Variants in AGBL1 observed in about 807,000 individuals in gnomAD.
AGBL1 encodes the protein AGBL carboxypeptidase 1.
AGBL1 carries 130 observed loss-of-function variants against 118.9 expected under a neutral mutation model. That is an observed-to-expected ratio of 1.09 (90% CI 0.95 to 1.26). The LOEUF (loss-of-function observed/expected upper bound fraction) is 1.26, where lower values mean the gene tolerates loss of function less well. Ranked by LOEUF, AGBL1 falls within the 50% of genes most tolerant of loss-of-function variation. AGBL1 has a pLI of 0.00. For synonymous variants in AGBL1, 555 were observed against 478.9 expected (o/e 1.16, Z -2.08); for missense variants, 1,584 against 1,298.1 (o/e 1.22, Z -3.38).
At chr15:86,622,459 A>C (rs1361788153) in intron 21 of AGBL1, among the ~76,000 whole-genome samples, 1 of 152,234 alleles carries the variant, frequency 6.6e-6, no homozygotes, top group Non-Finnish European at 1.5e-5. Context: ...GTGACCAGTC[A>C]TCATGGAAAG....
intron 23 of AGBL1, among the ~76,000 whole-genome samples, chr15:86,957,054 A>G (rs1202102519): frequency 6.6e-6 from 1 of 152,156 alleles, no homozygotes; most frequent in Non-Finnish European, 1.5e-5. Flanking sequence ...GAGGTGTTAT[A>G]CATGGTCTGA....
At chr15:86,234,769 G>T (rs2078512463) in intron 6 of AGBL1, among the ~76,000 whole-genome samples, 1 of 152,156 alleles carries the variant, frequency 6.6e-6, no homozygotes, top group Non-Finnish European at 1.5e-5. Context: ...ATGTTTAAAA[G>T]AGTGGGAGTA....
chr15:86,292,673 TG>T (rs776222876), intron 16 of AGBL1, among the ~76,000 whole-genome samples: 47 of 152,108 alleles, frequency 3.1e-4, no homozygotes, highest in Non-Finnish European at 5.3e-4. Context: ...TATTTTAATG[TG>T]GGGGCATTGA....
intron 16 of AGBL1, among the ~76,000 whole-genome samples, chr15:86,281,243 G>A (rs1008675270): frequency 6.6e-6 from 1 of 152,106 alleles, no homozygotes; most frequent in Non-Finnish European, 1.5e-5. Context: ...AATTAGCCAG[G>A]CCTGGTGGCA....
downstream of AGBL1, among the ~76,000 whole-genome samples, chr15:87,030,189 T>A (rs2081770554): frequency 6.6e-6 from 1 of 151,960 alleles, no homozygotes; most frequent in Non-Finnish European, 1.5e-5. Flanking sequence ...TGTACACCCA[T>A]GACATTTTAG....
chr15:86,458,799 C>A (rs1216458807), intron 18 of AGBL1, among the ~76,000 whole-genome samples: 1 of 152,116 alleles, frequency 6.6e-6, no homozygotes. Flanking sequence ...GGGTTTATTG[C>A]AAGGCTATCC....
chr15:86,735,820 G>A (rs1014652481), intron 22 of AGBL1, among the ~76,000 whole-genome samples: 3 of 152,152 alleles, frequency 2.0e-5, no homozygotes, highest in Non-Finnish European at 2.9e-5. Flanking sequence ...CTGGCATGTA[G>A]CAAGCGCTCT....
intron 22 of AGBL1, among the ~76,000 whole-genome samples, chr15:86,839,532 C>G (rs1196309239): frequency 6.6e-6 from 1 of 152,150 alleles, no homozygotes; most frequent in Non-Finnish European, 1.5e-5. Flanking sequence ...AGCTTTCGCA[C>G]TACTGATATT....
chr15:86,506,658 A>G (rs1193463204), intron 18 of AGBL1, among the ~76,000 whole-genome samples: 3 of 152,092 alleles, frequency 2.0e-5, no homozygotes, highest in African/African-American at 7.2e-5. Flanking sequence ...AGAGCCCAGT[A>G]AAATGTAAAT....
chr15:87,014,389 G>A (rs1277639210), intron 24 of AGBL1, among the ~76,000 whole-genome samples: 1 of 152,192 alleles, frequency 6.6e-6, no homozygotes, highest in African/African-American at 2.4e-5. Flanking sequence ...AAGGGCAGAG[G>A]ACTTTATCTG....
chr15:87,020,570 G>GCA (rs2081654664), intron 24 of AGBL1, among the ~76,000 whole-genome samples: 2 of 150,200 alleles, frequency 1.3e-5, no homozygotes, highest in African/African-American at 4.9e-5. Context: ...TTATTTTTGT[G>GCA]GATATCATGA....
intron 18 of AGBL1, among the ~76,000 whole-genome samples, chr15:86,489,721 A>G (rs186623030): frequency 6.6e-6 from 1 of 152,272 alleles, no homozygotes; most frequent in Non-Finnish European, 1.5e-5. Flanking sequence ...AGAGATGGTC[A>G]GGCCTGTAAA....
intron 22 of AGBL1, among the ~76,000 whole-genome samples, chr15:86,820,557 C>T (rs1019499518): frequency 6.6e-5 from 10 of 152,006 alleles, no homozygotes; most frequent in East Asian, 1.9e-4. Flanking sequence ...GACATTTTTG[C>T]GGCCAAGAAA....
At position 86,581,481 on chromosome 15, in the gene AGBL1, G is replaced by T. The variant is rs2084171650; in HGVS notation, c.2994+26944G>T. On this transcript the variant is annotated intron_variant, in intron 21 of 22. Coordinates refer to ENST00000614907, the MANE Select transcript of AGBL1 (RefSeq NM_001386094.1). ...GTTGTTTATTTTGTTTAGTGCTTAT[G>T]AAATGATATCCTAAAAGAGGCCATT... 2.0e-5 allele frequency among the ~76,000 whole-genome samples: 3 copies of T among 152,126 alleles called. No individual in the cohort carries two copies. The South Asian group carries it at 6.2e-4, about 32-fold the overall frequency.
chr15:86,823,127 C>T (rs909794004), intron 22 of AGBL1, among the ~76,000 whole-genome samples: 7 of 152,042 alleles, frequency 4.6e-5, no homozygotes, highest in African/African-American at 7.2e-5. Context: ...CCTGGAGTCA[C>T]CTTATAAAAG....
chr15:86,470,400 G>A (rs1025287833), intron 18 of AGBL1, among the ~76,000 whole-genome samples: 4 of 152,106 alleles, frequency 2.6e-5, no homozygotes, highest in African/African-American at 9.7e-5. Flanking sequence ...TAATTTCTAA[G>A]ATCTCTATTG....
chr15:86,726,797 C>A (rs962697955), intron 22 of AGBL1, among the ~76,000 whole-genome samples: 1 of 152,100 alleles, frequency 6.6e-6, no homozygotes, highest in Non-Finnish European at 1.5e-5. Context: ...TCAAGCGATC[C>A]TCCTGCCTCG....
chr15:86,387,882 T>C (rs2081219883), intron 17 of AGBL1, among the ~76,000 whole-genome samples: 2 of 152,176 alleles, frequency 1.3e-5, no homozygotes, highest in Admixed American at 1.3e-4. Context: ...CAGAGCTTCT[T>C]GGGCTCCTTG....
intron 5 of AGBL1, among the ~76,000 whole-genome samples, chr15:86,218,384 G>C (rs2078224038): frequency 2.0e-5 from 3 of 152,210 alleles, no homozygotes; most frequent in Admixed American, 2.0e-4. Context: ...GTGAATGTTA[G>C]GTTGCTGGTA....
Sources: allele counts gnomAD v4.1 joint callset (sites outside exome capture counted in the v4.1 genomes callset), GRCh38; gene constraint gnomAD v4.1.1; transcripts MANE v1.5; gene names NCBI Gene and HGNC (gene_info 2026-07-23, HGNC 2026-07-21).